Variants in RFFL observed in about 807,000 individuals in gnomAD.
RFFL encodes ring finger and FYVE like domain containing E3 ubiquitin protein ligase, also known as E3 ubiquitin-protein ligase rififylin.
Under a neutral mutation model 40.4 loss-of-function variants are expected in RFFL, and 16 were observed. That is an observed-to-expected ratio of 0.40 (90% CI 0.27 to 0.60). RFFL has a LOEUF of 0.60. Among genes scored for constraint, RFFL ranks in the 20% least tolerant of loss-of-function variants. The pLI is 0.47. For missense variants in RFFL, 367 were observed against 451.7 expected (o/e 0.81, Z 1.70); for synonymous variants, 154 against 167.9 (o/e 0.92, Z 0.64).
intron 1 of RFFL, among the ~76,000 whole-genome samples, chr17:35,028,459 C>T (rs1340366583): frequency 6.6e-6 from 1 of 152,042 alleles, no homozygotes; most frequent in East Asian, 1.9e-4. Flanking sequence ...GATCCAATCC[C>T]TCAAATGTCA....
At chr17:35,042,134 A>G (rs2091170247) in intron 1 of RFFL, 1 of 152,078 alleles carries the variant, frequency 6.6e-6, no homozygotes, top group Non-Finnish European at 1.5e-5. Context: ...TTACCACCCA[A>G]CGCTCTTGGT....
At chr17:35,022,815 G>A (rs985580652) in intron 2 of RFFL, among the ~76,000 whole-genome samples, 1 of 152,242 alleles carries the variant, frequency 6.6e-6, no homozygotes, top group African/African-American at 2.4e-5. Flanking sequence ...TATTTAGACA[G>A]CAACGGGAGG....
intron 2 of RFFL, among the ~76,000 whole-genome samples, chr17:35,022,206 T>A (rs1168356202): frequency 6.6e-6 from 1 of 152,150 alleles, no homozygotes; most frequent in African/African-American, 2.4e-5. Flanking sequence ...AAAATGGGGG[T>A]GATAACAGTA....
At chr17:35,061,464 CTGAT>C (rs2091290553) in intron 1 of RFFL, among the ~76,000 whole-genome samples, 1 of 152,176 alleles carries the variant, frequency 6.6e-6, no homozygotes, top group Non-Finnish European at 1.5e-5. Flanking sequence ...CTTAGGCTGA[CTGAT>C]TGATTTTTGG....
intron 1 of RFFL, among the ~76,000 whole-genome samples, chr17:35,027,264 GCA>G (rs1443758816): frequency 2.0e-5 from 3 of 152,004 alleles, no homozygotes; most frequent in Non-Finnish European, 2.9e-5. Context: ...ATACTTTCTT[GCA>G]CAGTTATATC....
chr17:35,039,179 T>A (rs2091146021), intron 1 of RFFL, among the ~76,000 whole-genome samples: 1 of 152,176 alleles, frequency 6.6e-6, no homozygotes, highest in Non-Finnish European at 1.5e-5. Flanking sequence ...AGTGCTGGGA[T>A]TACAGACATG....
At chr17:35,038,608 T>C (rs1213146712) in intron 1 of RFFL, among the ~76,000 whole-genome samples, 1 of 152,142 alleles carries the variant, frequency 6.6e-6, no homozygotes, top group Non-Finnish European at 1.5e-5. Flanking sequence ...AACTGATACA[T>C]GCAATAGTAC....
chr17:35,051,883 C>A (rs1388692735), intron 1 of RFFL, among the ~76,000 whole-genome samples: 1 of 152,158 alleles, frequency 6.6e-6, no homozygotes. Context: ...CAATTTTAGA[C>A]ACCTAAAGCC....
chr17:35,079,022 G>A (rs970767095), intron 1 of RFFL, among the ~76,000 whole-genome samples: 5 of 151,054 alleles, frequency 3.3e-5, no homozygotes, highest in South Asian at 2.1e-4. Context: ...GAAGACCAAC[G>A]GTATATCAAA....
At chr17:35,023,836 C>T (rs1435306887) in intron 2 of RFFL, among the ~76,000 whole-genome samples, 1 of 152,176 alleles carries the variant, frequency 6.6e-6, no homozygotes, top group Admixed American at 6.5e-5. Flanking sequence ...TCTATGCACC[C>T]GCTGGCTCAC....
intron 1 of RFFL, among the ~76,000 whole-genome samples, chr17:35,031,377 G>T (rs933700948): frequency 6.6e-6 from 1 of 152,042 alleles, no homozygotes; most frequent in African/African-American, 2.4e-5. Flanking sequence ...AAAGTGCTGG[G>T]ATTACAGGCG....
At position 35,053,523 on chromosome 17, in the gene RFFL, C is replaced by G. The variant is rs116193389; in HGVS notation, c.-9+10053G>C. 4.8e-3 allele frequency among the ~76,000 whole-genome samples: 731 copies of G among 152,248 alleles called. 10 individuals are homozygous for G. Among genetic ancestry groups the G allele is most frequent in the African/African-American group, 0.017 (694 of 41,552 alleles). Reference sequence around the variant, plus strand: ...AGATGGGTACAGCATATAGTAGCAGCTAGGGGTAGGGGCTCTTAGGGGCAG... The same window carrying G: ...AGATGGGTACAGCATATAGTAGCAGGTAGGGGTAGGGGCTCTTAGGGGCAG... On this transcript the variant is annotated intron_variant, in intron 1 of 6. Transcript: ENST00000394597.
At chr17:35,023,196 C>T (rs1049748515) in intron 2 of RFFL, among the ~76,000 whole-genome samples, 4 of 152,080 alleles carry the variant, frequency 2.6e-5, no homozygotes, top group Non-Finnish European at 4.4e-5. Context: ...TCCATCTTTT[C>T]GAAATATAGA....
intron 1 of RFFL, among the ~76,000 whole-genome samples, chr17:35,055,761 G>A (rs1242186740): frequency 6.0e-5 from 9 of 151,164 alleles, no homozygotes; most frequent in Admixed American, 5.9e-4. Flanking sequence ...GTCACACAGC[G>A]CTAGATACTG....
chr17:35,017,880 A>G (rs530524362), intron 3 of RFFL, among the ~76,000 whole-genome samples: 8 of 152,160 alleles, frequency 5.3e-5, no homozygotes, highest in Non-Finnish European at 8.8e-5. Flanking sequence ...ACAACTCATC[A>G]TCAATTTAAT....
At position 35,006,821 on chromosome 17, in the gene RFFL, C is replaced by CG. The variant is rs1303027849; in HGVS notation, c.*5146_*5147insC. On this transcript the variant is annotated 3_prime_UTR_variant, in exon 7 of 7. Coordinates refer to ENST00000394597, the MANE Select transcript of RFFL (RefSeq NM_001017368.2). ...CCCCCTGGCCACCCCACCGCCCCCC[C>CG]CCAACTTTGATCTGATTGACTTTGG... The CG allele has an allele frequency of 6.6e-6, 1 of 152,520 alleles. No individual in the cohort carries two copies. The highest frequency in any genetic ancestry group is 1.5e-5 in the Non-Finnish European group (1 of 68,398). The allele number at this position is 152,520 out of a possible 1,614,324, so 9.4% of individuals were successfully genotyped here. A position where few individuals can be genotyped will look rare whatever the true frequency, so the allele number is the denominator to read the frequency against.
chr17:35,042,477 C>T (rs2091172316), intron 1 of RFFL: 1 of 152,120 alleles, frequency 6.6e-6, no homozygotes, highest in African/African-American at 2.4e-5. Flanking sequence ...GGGGGTGGGA[C>T]AATGAAGCAT....
At chr17:35,017,166 G>T (rs1251912874) in intron 4 of RFFL, among the ~76,000 whole-genome samples, 1 of 151,992 alleles carries the variant, frequency 6.6e-6, no homozygotes, top group African/African-American at 2.4e-5. Context: ...CTGGCTAATT[G>T]TCTGACCTCC....
At chr17:35,070,129 T>C (rs1486694387) in intron 1 of RFFL, among the ~76,000 whole-genome samples, 1 of 152,030 alleles carries the variant, frequency 6.6e-6, no homozygotes, top group East Asian at 1.9e-4. Context: ...TTATTCCTAG[T>C]AGGGATGGGG....
Sources: gnomAD v4.1 joint callset for allele counts (sites outside exome capture counted in the v4.1 genomes callset) on GRCh38, gnomAD v4.1.1 for gene constraint, MANE v1.5 for transcripts, NCBI Gene and HGNC (gene_info 2026-07-23, HGNC 2026-07-21) for gene names.